LOC400499: variants seen among roughly 807,000 people sequenced by gnomAD.
At chr16:11,465,745 C>T in the LOC400499 span, among the ~76,000 whole-genome samples, 38 of 141,534 alleles carry the variant, frequency 2.7e-4, no homozygotes, top group African/African-American at 9.5e-4. Flanking sequence ...AGAATAAGAC[C>T]TTGTAAAAGA....
At chr16:11,519,329 C>T in the LOC400499 span, among the ~76,000 whole-genome samples, 5 of 152,172 alleles carry the variant, frequency 3.3e-5, no homozygotes, top group Admixed American at 1.3e-4. Context: ...GGATATCCCA[C>T]TGTCACCATG....
chr16:11,516,416 G>C, the LOC400499 span: 1 of 397,978 alleles, frequency 2.5e-6, no homozygotes, highest in Non-Finnish European at 4.4e-6. Context: ...GCCCCCATGG[G>C]AAGCTCCCAG....
At chr16:11,521,225 G>A in the LOC400499 span, among the ~76,000 whole-genome samples, 2 of 152,160 alleles carry the variant, frequency 1.3e-5, no homozygotes, top group Non-Finnish European at 2.9e-5. Flanking sequence ...GCTCCAGCCA[G>A]TACAAAAATG....
the LOC400499 span, among the ~76,000 whole-genome samples, chr16:11,487,560 GAC>G: frequency 6.6e-6 from 1 of 152,128 alleles, no homozygotes; most frequent in South Asian, 2.1e-4. Flanking sequence ...GGGAGTCCAG[GAC>G]ACAGAGTCAC....
the LOC400499 span, chr16:11,462,334 C>G: frequency 6.9e-7 from 1 of 1,439,132 alleles, no homozygotes; most frequent in Non-Finnish European, 9.1e-7. Context: ...CCTGGGAGGA[C>G]AGGCTTGGCC....
At chr16:11,500,064 A>C in the LOC400499 span, among the ~76,000 whole-genome samples, 1 of 152,138 alleles carries the variant, frequency 6.6e-6, no homozygotes, top group African/African-American at 2.4e-5. Context: ...TAATCTCCAG[A>C]CTCATTAAAT....
chr16:11,490,282 G>A, the LOC400499 span, among the ~76,000 whole-genome samples: 1 of 151,242 alleles, frequency 6.6e-6, no homozygotes, highest in African/African-American at 2.4e-5. Flanking sequence ...TGTAATCCCA[G>A]CTACTCAAGA....
At chr16:11,495,336 C>T in the LOC400499 span, among the ~76,000 whole-genome samples, 1 of 151,998 alleles carries the variant, frequency 6.6e-6, no homozygotes, top group African/African-American at 2.4e-5. Context: ...GTTCAGGACA[C>T]AGCTGCTCCC....
At chr16:11,433,899 T>C in the LOC400499 span, among the ~76,000 whole-genome samples, 2 of 152,218 alleles carry the variant, frequency 1.3e-5, no homozygotes, top group Non-Finnish European at 2.9e-5. Flanking sequence ...TCAAATCATA[T>C]CCTCTATAAT....
chr16:11,502,917 CTT>C, the LOC400499 span, among the ~76,000 whole-genome samples: 9 of 98,010 alleles, frequency 9.2e-5, no homozygotes, highest in Non-Finnish European at 9.4e-5. Flanking sequence ...CCTGGACCAC[CTT>C]TTTTTTTTTT....
At chr16:11,448,249 C>T in the LOC400499 span, among the ~76,000 whole-genome samples, 1 of 152,186 alleles carries the variant, frequency 6.6e-6, no homozygotes, top group Non-Finnish European at 1.5e-5. Context: ...ACCACAGGAT[C>T]CCACCGGCAC....
the LOC400499 span, among the ~76,000 whole-genome samples, chr16:11,408,743 G>A: frequency 1.3e-5 from 2 of 152,142 alleles, no homozygotes. Context: ...GATTATGAGT[G>A]TGAACCACTG....
chr16:11,450,882 G>C, the LOC400499 span: 45 of 1,444,928 alleles, frequency 3.1e-5, no homozygotes, highest in Non-Finnish European at 4.1e-5. Context: ...CTAGCAGGCA[G>C]CTGGAGGTCC....
At chr16:11,483,935 A>G in the LOC400499 span, among the ~76,000 whole-genome samples, 2 of 145,722 alleles carry the variant, frequency 1.4e-5, no homozygotes, top group Admixed American at 6.9e-5. Context: ...AAAGAAGTCT[A>G]TGGTGACAGA....
chr16:11,469,313 CG>C, the LOC400499 span: 1 of 399,308 alleles, frequency 2.5e-6, no homozygotes, highest in Non-Finnish European at 4.4e-6. Flanking sequence ...CTGGCCCCTC[CG>C]TCCCCCTGGG....
At chr16:11,395,626 A>G in the LOC400499 span, among the ~76,000 whole-genome samples, 451 of 152,352 alleles carry the variant, frequency 3.0e-3, 4 homozygotes, top group African/African-American at 0.01. Context: ...CCCTCTCACA[A>G]GCACCTGCTA....
the LOC400499 span, chr16:11,446,897 G>C: frequency 6.5e-7 from 1 of 1,534,738 alleles, no homozygotes; most frequent in Admixed American, 2.0e-5. Context: ...GGGATGGGCA[G>C]GTGCAACGGG....
chr16:11,437,772 G>A, the LOC400499 span, among the ~76,000 whole-genome samples: 9 of 152,132 alleles, frequency 5.9e-5, no homozygotes, highest in Admixed American at 2.0e-4. Context: ...GGGAGGCGGA[G>A]GCACAAGAAT....
the LOC400499 span, among the ~76,000 whole-genome samples, chr16:11,503,401 C>T: frequency 1.1e-4 from 16 of 152,284 alleles, no homozygotes; most frequent in East Asian, 3.1e-3. Flanking sequence ...CCCCTGAAGT[C>T]TCAGGCTCAC....
Sources: allele counts gnomAD v4.1 joint callset (sites outside exome capture counted in the v4.1 genomes callset), GRCh38; gene constraint gnomAD v4.1.1; transcripts MANE v1.5.